Variants in RNF7 observed in about 807,000 individuals in gnomAD.
The protein encoded by RNF7 is ring finger protein 7.
RNF7 carries 9 observed loss-of-function variants against 17.0 expected under a neutral mutation model. The ratio of observed to expected loss-of-function variants is 0.53; its 90% CI spans 0.32 to 0.92. The LOEUF is 0.92. RNF7 is among the 40% of genes least tolerant of loss of function. RNF7 has a pLI of 0.04. For synonymous variants in RNF7, 59 were observed against 50.5 expected (o/e 1.17, Z -0.72); for missense variants, 87 against 145.8 (o/e 0.60, Z 2.08).
chr3:141,746,575 C>A lies in RNF7; in HGVS notation c.*1298C>A. On this transcript the variant is annotated 3_prime_UTR_variant, in exon 3 of 3. Coordinates refer to ENST00000273480, the MANE Select transcript of RNF7 (RefSeq NM_014245.5). ...TAAACAACTTTATCAAACTGATTCA[C>A]ACTGAGGGGAGGTTATTTTGTAACA... 6.6e-6 allele frequency: 1 copy of A among 151,940 alleles called. No homozygotes were observed. The highest frequency in any genetic ancestry group is 1.9e-4 in the East Asian group (1 of 5,172). The allele number at this position is 151,940 out of a possible 1,614,324, so 9.4% of individuals were successfully genotyped here.
chr3:141,738,551 G>A (rs1225329522), intron 1 of RNF7, 35 bp downstream of exon 1: 1 of 1,558,566 alleles, frequency 6.4e-7, no homozygotes, highest in East Asian at 2.3e-5. Flanking sequence ...GCCGCCCTGC[G>A]GCCTCCGGGA....
At chr3:141,740,509 C>T (rs1165868301) in intron 1 of RNF7, among the ~76,000 whole-genome samples, 1 of 152,176 alleles carries the variant, frequency 6.6e-6, no homozygotes, top group Non-Finnish European at 1.5e-5. Flanking sequence ...ACTACAGGAT[C>T]AGTCTTGCAT....
rs1404859933 is a variant in RNF7, at chr3:141,746,789, TTATG to T, written c.*1517_*1520del. On this transcript the variant is annotated 3_prime_UTR_variant, in exon 3 of 3. Transcript: ENST00000273480. Reference sequence around the variant, plus strand: ...TAACAATTAGAATGAAAAATTAAAATTATGTATGCTTTTATATGGGTTACTTTTT... The same window carrying T: ...TAACAATTAGAATGAAAAATTAAAATTATGCTTTTATATGGGTTACTTTTT... 6.6e-6 allele frequency: 1 copy of T among 152,232 alleles called. No individual in the cohort carries two copies. The highest frequency in any genetic ancestry group is 1.5e-5 in the Non-Finnish European group (1 of 68,034). The allele number at this position is 152,232 out of a possible 1,614,324, so 9.4% of individuals were successfully genotyped here.
chr3:141,740,483 T>C (rs2084405415), intron 1 of RNF7, among the ~76,000 whole-genome samples: 1 of 152,200 alleles, frequency 6.6e-6, no homozygotes, highest in Non-Finnish European at 1.5e-5. Context: ...TTTCTAATTA[T>C]AGCAAGTATT....
Position 141,745,435 on chromosome 3 carries a change from A to G in RNF7, c.*158A>G, listed in dbSNP as rs1308452571. The G allele has an allele frequency of 1.3e-5, 6 of 462,080 alleles. No individual in the cohort carries two copies. Among genetic ancestry groups the G allele is most frequent in the South Asian group, 3.8e-5 (1 of 26,406 alleles). The allele number at this position is 462,080 out of a possible 1,614,324, so 28.6% of individuals were successfully genotyped here. On this transcript the variant is annotated 3_prime_UTR_variant, in exon 3 of 3. Transcript: ENST00000273480. Reference sequence around the variant, plus strand: ...GGACTCATCAAAGCCTTGGTTTAGCATTTTGTCAGTTTTATCTTCAGAAAT... The same window carrying G: ...GGACTCATCAAAGCCTTGGTTTAGCGTTTTGTCAGTTTTATCTTCAGAAAT...
At position 141,741,274 on chromosome 3, in the gene RNF7, C is replaced by G. The variant is rs1403845077; in HGVS notation, c.176-2235C>G. 2.6e-5 allele frequency among the ~76,000 whole-genome samples: 4 copies of G among 152,284 alleles called. No individual in the cohort carries two copies. The East Asian group carries it at 7.7e-4, about 29-fold the overall frequency. ...ATGATATTTAGGTGTTTGTCTACGT[C>G]CCCATTTGCTCCTGAGCCCCTTGAG... On this transcript the variant is annotated intron_variant, in intron 1 of 2. Coordinates refer to ENST00000273480, the MANE Select transcript of RNF7 (RefSeq NM_014245.5).
chr3:141,742,586 GT>G, intron 1 of RNF7: 1 of 1,156,324 alleles, frequency 8.6e-7, no homozygotes, highest in Non-Finnish European at 1.1e-6. Flanking sequence ...ATTCTCACCA[GT>G]TTGTATCATC....
chr3:141,742,543 G>A, intron 1 of RNF7: 1 of 1,012,086 alleles, frequency 9.9e-7, no homozygotes, highest in Non-Finnish European at 1.3e-6. Flanking sequence ...TAGTGTTTAG[G>A]GATATCTAGT....
At chr3:141,740,016 A>G (rs1345383160) in intron 1 of RNF7, among the ~76,000 whole-genome samples, 1 of 152,156 alleles carries the variant, frequency 6.6e-6, no homozygotes, top group Admixed American at 6.5e-5. Context: ...AGCTTGGGTG[A>G]CAGAATGAGA....
rs1290542276 is a variant in RNF7 at position 141,738,322 on chromosome 3, G to A, written c.-20G>A. On this transcript the variant is annotated 5_prime_UTR_variant, in exon 1 of 3. Coordinates refer to ENST00000273480, the MANE Select transcript of RNF7 (RefSeq NM_014245.5). ...CCTTCCCCAAGCCAACGTCTCCGCC[G>A]TCGGCTCCGCGGCGCCGCCATGGCC... is the stretch of plus-strand genomic sequence containing the variant. 1 of 1,367,016 alleles carries A rather than the reference G, an allele frequency of 7.3e-7. No individual in the cohort carries two copies. The highest frequency in any genetic ancestry group is 1.2e-5 in the South Asian group (1 of 81,732). 84.7% of individuals were successfully genotyped at this position (1,367,016 alleles called of 1,614,324 possible).
chr3:141,738,299 T>C lies in RNF7; in HGVS notation c.-43T>C. 2 of 1,239,020 alleles carry C rather than the reference T, an allele frequency of 1.6e-6. No individual in the cohort carries two copies. The highest frequency in any genetic ancestry group is 1.1e-6 in the Non-Finnish European group (1 of 928,102). The allele number at this position is 1,239,020 out of a possible 1,614,324, so 76.8% of individuals were successfully genotyped here. A position where few individuals can be genotyped will look rare whatever the true frequency, so the allele number is the denominator to read the frequency against. On this transcript the variant is annotated 5_prime_UTR_variant, in exon 1 of 3. Transcript: ENST00000273480. ...CACAGAGCCGCCCTAGCCTTCCGCC[T>C]TCCCCAAGCCAACGTCTCCGCCGTC...
In RNF7 at chr3:141,746,793, G is replaced by A. The variant is rs2084479123; in HGVS notation, c.*1516G>A. 6.6e-6 allele frequency: 1 copy of A among 152,256 alleles called. No homozygotes were observed. Among genetic ancestry groups the A allele is most frequent in the Non-Finnish European group, 1.5e-5 (1 of 68,018 alleles). 9.4% of individuals were successfully genotyped at this position (152,256 alleles called of 1,614,324 possible). ...AATTAGAATGAAAAATTAAAATTAT[G>A]TATGCTTTTATATGGGTTACTTTTT... On this transcript the variant is annotated 3_prime_UTR_variant, in exon 3 of 3. Coordinates refer to ENST00000273480, the MANE Select transcript of RNF7 (RefSeq NM_014245.5).
At chr3:141,741,522 C>A (rs773458129) in intron 1 of RNF7, among the ~76,000 whole-genome samples, 3 of 152,118 alleles carry the variant, frequency 2.0e-5, no homozygotes, top group Admixed American at 2.0e-4. Flanking sequence ...TCAACTTAAC[C>A]GTGTTTCTAT....
intron 1 of RNF7, among the ~76,000 whole-genome samples, chr3:141,742,100 A>T (rs1344700186): frequency 1.3e-5 from 2 of 151,768 alleles, no homozygotes; most frequent in Non-Finnish European, 2.9e-5. Context: ...CCAGGTATTG[A>T]GCCTAGTACC....
In RNF7 at chr3:141,747,322, A is replaced by AC. The variant is rs1197912620; in HGVS notation, c.*2045_*2046insC. 1.3e-5 allele frequency: 2 copies of AC among 152,236 alleles called. No homozygotes were observed. The highest frequency in any genetic ancestry group is 2.9e-5 in the Non-Finnish European group (2 of 68,048). The allele number at this position is 152,236 out of a possible 1,614,324, so 9.4% of individuals were successfully genotyped here. On this transcript the variant is annotated 3_prime_UTR_variant, in exon 3 of 3. Transcript: ENST00000273480. ...GGTTCCAATACAAAAGTTAAGCATCAAACAGGTTTTTCTTTCCATTTGATT... is the reference window on the plus strand; with the variant it reads ...GGTTCCAATACAAAAGTTAAGCATCACAACAGGTTTTTCTTTCCATTTGATT...
At chr3:141,739,804 G>T (rs1436314619) in intron 1 of RNF7, among the ~76,000 whole-genome samples, 1 of 152,118 alleles carries the variant, frequency 6.6e-6, no homozygotes, top group Non-Finnish European at 1.5e-5. Flanking sequence ...ATTTTACATG[G>T]ATCACTTGAG....
intron 1 of RNF7, among the ~76,000 whole-genome samples, chr3:141,740,168 CTT>C (rs543733202): frequency 2.6e-4 from 36 of 140,014 alleles, no homozygotes; most frequent in Admixed American, 2.9e-4. Flanking sequence ...CCAGGAGACT[CTT>C]TTTTTTTTTT....
chr3:141,742,224 T>C (rs1214192193), intron 1 of RNF7, among the ~76,000 whole-genome samples: 1 of 62,026 alleles, frequency 1.6e-5, no homozygotes, highest in East Asian at 3.0e-4. Flanking sequence ...AAGCATTTTC[T>C]TTTTTTTTTT....
In RNF7 at chr3:141,738,415, G is replaced by T. The variant is rs750966922; in HGVS notation, c.74G>T (p.Gly25Val). ...TCCGGGAGCTCAGGCTCCAAGTCGG[G>T]AGGCGACAAGATGTTCTCCCTCAAG... ...SHSGSSGSKS[G>V]GDKMFSLKKW... The change falls in exon 1 of 3, where the codon GGA becomes GTA. Residue 25 changes from glycine (G) to valine (V), a missense_variant. This residue lies in a region of RNF7 where 51 missense variants were observed against 41.0 expected (regional missense o/e 1.24). Coordinates refer to ENST00000273480, the MANE Select transcript of RNF7 (RefSeq NM_014245.5). 5 of 1,610,566 alleles carry T rather than the reference G, an allele frequency of 3.1e-6. No individual in the cohort carries two copies. In the African/African-American group the frequency reaches 6.7e-5, roughly 22 times the overall value.
Sources: gnomAD v4.1 joint callset for allele counts (sites outside exome capture counted in the v4.1 genomes callset) on GRCh38, gnomAD v4.1.1 for gene constraint, gnomAD v4.1.1 regional missense constraint, MANE v1.5 for transcripts, NCBI Gene and HGNC (gene_info 2026-07-23, HGNC 2026-07-21) for gene names.